Variants in CHST3 observed in about 807,000 individuals in gnomAD.
The protein encoded by CHST3 is C6ST-1.
A neutral mutation model predicts 35.4 loss-of-function variants in CHST3; 20 were observed. The observed-to-expected ratio is 0.57, with a 90% CI of 0.40 to 0.82. CHST3 has a LOEUF of 0.82. CHST3 is among the 40% of genes least tolerant of loss of function. CHST3 has a pLI of 0.00. For missense variants in CHST3, 693 were observed against 670.1 expected, an observed-to-expected ratio of 1.03 and a Z score of -0.38; for synonymous variants, 334 against 295.9, an observed-to-expected ratio of 1.13 and a Z score of -1.32.
chr10:71,994,512 C>T (rs1839923487), intron 1 of CHST3, among the ~76,000 whole-genome samples: 1 of 152,162 alleles, frequency 6.6e-6, no homozygotes, highest in South Asian at 2.1e-4. Flanking sequence ...TGCTGTCATC[C>T]AGGCCTGTTC....
intron 1 of CHST3, among the ~76,000 whole-genome samples, chr10:72,004,427 T>C (rs958702329): frequency 6.6e-6 from 1 of 152,304 alleles, no homozygotes; most frequent in African/African-American, 2.4e-5. Context: ...TAACATAGCC[T>C]GGGGGAGGCT....
At chr10:71,968,338 T>A (rs1839653176) in intron 1 of CHST3, among the ~76,000 whole-genome samples, 1 of 152,206 alleles carries the variant, frequency 6.6e-6, no homozygotes, top group Admixed American at 6.5e-5. Flanking sequence ...AATGGGGTTG[T>A]TTTTTGCTTG....
chr10:71,965,263 GT>G (rs1839618340), intron 1 of CHST3, among the ~76,000 whole-genome samples: 1 of 151,986 alleles, frequency 6.6e-6, no homozygotes, highest in Non-Finnish European at 1.5e-5. Flanking sequence ...ATGTGTGAGT[GT>G]GCGAAGCCCT....
intron 1 of CHST3, among the ~76,000 whole-genome samples, chr10:71,991,911 G>A (rs1223217390): frequency 6.7e-6 from 1 of 148,394 alleles, no homozygotes; most frequent in East Asian, 1.9e-4. Flanking sequence ...CTCCAGCCTG[G>A]GCAACAAGAG....
intron 1 of CHST3, among the ~76,000 whole-genome samples, chr10:71,980,291 A>T (rs956546746): frequency 6.6e-6 from 1 of 152,164 alleles, no homozygotes; most frequent in African/African-American, 2.4e-5. Context: ...CGAGGTAGGA[A>T]GATCACTTGA....
intron 1 of CHST3, among the ~76,000 whole-genome samples, chr10:71,986,271 G>A (rs949511475): frequency 6.6e-6 from 1 of 152,158 alleles, no homozygotes; most frequent in African/African-American, 2.4e-5. Context: ...CTGATTCTAG[G>A]TTAGAATCAC....
Position 72,008,215 on chromosome 10 carries a change from C to T in CHST3, c.1184C>T (p.Pro395Leu), listed in dbSNP as rs756147851. The T allele has an allele frequency of 1.4e-5, 21 of 1,554,716 alleles. No homozygotes were observed. Among genetic ancestry groups the T allele is most frequent in the African/African-American group, 2.7e-5 (2 of 73,280 alleles). ...CGCTTCGCCGGCATCCCCCTGACCCCGCAGGTGGAAGACTGGATCCAAAAG... is the reference window on the plus strand; with the variant it reads ...CGCTTCGCCGGCATCCCCCTGACCCTGCAGGTGGAAGACTGGATCCAAAAG... ...MYRFAGIPLT[P>L]QVEDWIQKNT... The change falls in exon 3 of 3, where the codon CCG (proline) becomes CTG (leucine). Residue 395 changes from proline (P) to leucine (L), a missense_variant. Transcript: ENST00000373115.
At chr10:71,997,768 A>G (rs1839954803) in intron 1 of CHST3, among the ~76,000 whole-genome samples, 2 of 150,290 alleles carry the variant, frequency 1.3e-5, no homozygotes, top group South Asian at 2.1e-4. Flanking sequence ...TCCTCATTCA[A>G]GCATTTCTCC....
chr10:71,970,142 C>T (rs1839676567), intron 1 of CHST3, among the ~76,000 whole-genome samples: 1 of 152,150 alleles, frequency 6.6e-6, no homozygotes, highest in Non-Finnish European at 1.5e-5. Flanking sequence ...CCAAATCTGG[C>T]CTGTGGCTGC....
chr10:71,972,215 C>A (rs1235490025), intron 1 of CHST3, among the ~76,000 whole-genome samples: 1 of 152,156 alleles, frequency 6.6e-6, no homozygotes, highest in Admixed American at 6.5e-5. Context: ...AGGGGCAAAG[C>A]CGGGCCTGAG....
intron 1 of CHST3, among the ~76,000 whole-genome samples, chr10:71,979,105 A>C (rs999632116): frequency 1.3e-5 from 2 of 152,144 alleles, no homozygotes; most frequent in African/African-American, 4.8e-5. Context: ...GTTACCTCTA[A>C]TACAAGGTGA....
At position 71,964,679 on chromosome 10, in the gene CHST3, AG is replaced by A. The variant is rs1368270710; in HGVS notation, c.-122del. ...CGCGGAGGGTCGGGGCCGCCGGTGG[AG>A]TCTCGGCGGCCGGGGTAAGTGGGGC... On this transcript the variant is annotated 5_prime_UTR_variant, in exon 1 of 3. The change abolishes the stop of an existing upstream ORF in the 5' untranslated region. Coordinates refer to ENST00000373115, the MANE Select transcript of CHST3 (RefSeq NM_004273.5). 1 of 151,676 alleles carries A rather than the reference AG, an allele frequency of 6.6e-6. No individual in the cohort carries two copies. The highest frequency in any genetic ancestry group is 1.5e-5 in the Non-Finnish European group (1 of 67,880). The allele number at this position is 151,676 out of a possible 1,614,324, so 9.4% of individuals were successfully genotyped here. A position where few individuals can be genotyped will look rare whatever the true frequency, so the allele number is the denominator to read the frequency against.
chr10:71,994,828 C>T (rs1839925243), intron 1 of CHST3, among the ~76,000 whole-genome samples: 1 of 152,214 alleles, frequency 6.6e-6, no homozygotes. Flanking sequence ...TGCCAATTCT[C>T]CATCAGCACT....
At chr10:71,992,172 TA>T (rs777233655) in intron 1 of CHST3, among the ~76,000 whole-genome samples, 21 of 152,232 alleles carry the variant, frequency 1.4e-4, no homozygotes, top group Admixed American at 3.3e-4. Flanking sequence ...TCTTTCTTTT[TA>T]TTTTTTTTGT....
rs1453918372 is a variant in CHST3 at position 72,007,267 on chromosome 10, C to T, written c.236C>T (p.Ser79Phe). 6.2e-7 allele frequency: 1 copy of T among 1,614,110 alleles called. No individual in the cohort carries two copies. The highest frequency in any genetic ancestry group is 1.3e-5 in the African/African-American group (1 of 74,948). The change falls in exon 3 of 3, where the codon TCC (serine) becomes TTC (phenylalanine). Residue 79 changes from serine (S) to phenylalanine (F), a missense_variant. Coordinates refer to ENST00000373115, the MANE Select transcript of CHST3 (RefSeq NM_004273.5). ...LILAENASLLSLSELDSAFSQ... is the reference protein window; with the variant it reads ...LILAENASLLFLSELDSAFSQ... ...TTAGCTGAGAACGCATCTCTCTTGT[C>T]CCTGAGCGAGCTCGATTCAGCCTTC...
intron 1 of CHST3, among the ~76,000 whole-genome samples, chr10:71,995,859 A>G (rs1839933896): frequency 6.6e-6 from 1 of 152,252 alleles, no homozygotes; most frequent in Non-Finnish European, 1.5e-5. Context: ...AAAAATCTGC[A>G]CTATTGCGAA....
At chr10:71,979,751 A>C (rs1351447827) in intron 1 of CHST3, among the ~76,000 whole-genome samples, 1 of 152,152 alleles carries the variant, frequency 6.6e-6, no homozygotes, top group Admixed American at 6.5e-5. Flanking sequence ...GATGCTTAGT[A>C]TGTAAAATTC....
intron 1 of CHST3, among the ~76,000 whole-genome samples, chr10:71,979,405 T>TA (rs1432336900): frequency 6.6e-6 from 1 of 150,910 alleles, no homozygotes; most frequent in Non-Finnish European, 1.5e-5. Context: ...GGAGAGGGGT[T>TA]AGATGGCAGG....
rs117030525 is a variant in CHST3 at position 72,006,730 on chromosome 10, A to G, written c.141-442A>G. On this transcript the variant is annotated intron_variant, in intron 2 of 2. Coordinates refer to ENST00000373115, the MANE Select transcript of CHST3 (RefSeq NM_004273.5). ...AGATGGGTGGGTCAGGGATTGGGCAATATAGTGGACACCGTCAATCCCCCC... is the reference window on the plus strand; with the variant it reads ...AGATGGGTGGGTCAGGGATTGGGCAGTATAGTGGACACCGTCAATCCCCCC... 1.8e-3 allele frequency among the ~76,000 whole-genome samples: 267 copies of G among 152,340 alleles called. 1 individual carries two copies. Among genetic ancestry groups the G allele is most frequent in the Middle Eastern group, 3.4e-3 (1 of 294 alleles).
Sources: gnomAD v4.1 joint callset for allele counts (sites outside exome capture counted in the v4.1 genomes callset) on GRCh38, gnomAD v4.1.1 for gene constraint, MANE v1.5 for transcripts, NCBI Gene and HGNC (gene_info 2026-07-23, HGNC 2026-07-21) for gene names.